Variants in CNTLN observed in about 807,000 individuals in gnomAD.
CNTLN encodes centlein, centrosomal protein.
In CNTLN, 212 loss-of-function variants were observed where a neutral mutation model predicts 180.0. That is an observed-to-expected ratio of 1.18 (90% confidence interval 1.05 to 1.32). The LOEUF (loss-of-function observed/expected upper bound fraction) is 1.32, where lower values mean the gene tolerates loss of function less well. Among genes scored for constraint, CNTLN ranks in the 40% most tolerant of loss-of-function variants. CNTLN has a pLI of 0.00. For synonymous variants in CNTLN, 722 were observed against 563.1 expected (o/e 1.28, Z -3.99); for missense variants, 2,095 against 1,610.9 (o/e 1.30, Z -5.14).
At chr9:17,174,669 C>T (rs934932300) in intron 2 of CNTLN, among the ~76,000 whole-genome samples, 24 of 150,364 alleles carry the variant, frequency 1.6e-4, no homozygotes, top group Admixed American at 9.9e-4. Flanking sequence ...GCACTCCAGC[C>T]TGGGCAACAG....
At chr9:17,292,456 G>T (rs576969031) in intron 6 of CNTLN, among the ~76,000 whole-genome samples, 1 of 151,980 alleles carries the variant, frequency 6.6e-6, no homozygotes, top group African/African-American at 2.4e-5. Context: ...TCATAGGTTC[G>T]GTCTTTTTAC....
intron 6 of CNTLN, among the ~76,000 whole-genome samples, chr9:17,292,456 G>A (rs576969031): frequency 4.9e-4 from 75 of 152,098 alleles, no homozygotes; most frequent in African/African-American, 1.5e-3. Context: ...TCATAGGTTC[G>A]GTCTTTTTAC....
Position 17,235,653 on chromosome 9 carries a change from C to A in CNTLN, c.535-5C>A. 3 of 1,550,434 alleles carry A rather than the reference C, an allele frequency of 1.9e-6. No homozygotes were observed. Among genetic ancestry groups the A allele is most frequent in the South Asian group, 2.5e-5 (2 of 79,628 alleles). Reference sequence around the variant, plus strand: ...CTCACCAGTAATTTAAATTTTTTTCCACAGAGAGAGTCAGTACTGAAACAG... The same window carrying A: ...CTCACCAGTAATTTAAATTTTTTTCAACAGAGAGAGTCAGTACTGAAACAG... On this transcript the variant is annotated splice_polypyrimidine_tract_variant and splice_region_variant and intron_variant, in intron 3 of 25. Transcript: ENST00000380647.
At chr9:17,266,743 T>G (rs186658891) in intron 5 of CNTLN, among the ~76,000 whole-genome samples, 121 of 152,276 alleles carry the variant, frequency 7.9e-4, no homozygotes, top group African/African-American at 2.7e-3. Flanking sequence ...GCATATATAT[T>G]TAGGATAGTG....
At chr9:17,147,636 C>T (rs1471934225) in intron 2 of CNTLN, among the ~76,000 whole-genome samples, 1 of 152,090 alleles carries the variant, frequency 6.6e-6, no homozygotes, top group African/African-American at 2.4e-5. Flanking sequence ...TGTTGTTTCC[C>T]ATGCTGATAA....
intron 18 of CNTLN, among the ~76,000 whole-genome samples, chr9:17,442,545 C>A (rs1392704940): frequency 6.6e-6 from 1 of 152,060 alleles, no homozygotes; most frequent in East Asian, 1.9e-4. Context: ...ATTACAGGCG[C>A]GAGCCACCAT....
At chr9:17,184,443 C>T (rs957803535) in intron 2 of CNTLN, among the ~76,000 whole-genome samples, 38 of 151,966 alleles carry the variant, frequency 2.5e-4, no homozygotes, top group African/African-American at 9.0e-4. Context: ...CAAAATCATA[C>T]GTTATGCATA....
chr9:17,321,390 C>T (rs1040180578), intron 8 of CNTLN, among the ~76,000 whole-genome samples: 1 of 152,142 alleles, frequency 6.6e-6, no homozygotes, highest in Non-Finnish European at 1.5e-5. Flanking sequence ...ACTCTGAGCT[C>T]CTTGAGGGCA....
At chr9:17,247,929 C>G (rs757313733) in intron 5 of CNTLN, among the ~76,000 whole-genome samples, 36 of 151,280 alleles carry the variant, frequency 2.4e-4, no homozygotes, top group Admixed American at 8.6e-4. Context: ...TTCCTAGGCT[C>G]AAACAATCCT....
chr9:17,185,714 A>G (rs1821388671), intron 2 of CNTLN, among the ~76,000 whole-genome samples: 1 of 151,238 alleles, frequency 6.6e-6, no homozygotes, highest in African/African-American at 2.4e-5. Context: ...TGCCTTGCAC[A>G]TTTCACTCTG....
At chr9:17,488,861 C>T (rs1185851673) in intron 25 of CNTLN, among the ~76,000 whole-genome samples, 3 of 152,070 alleles carry the variant, frequency 2.0e-5, no homozygotes, top group South Asian at 2.1e-4. Flanking sequence ...TTTAATGGAG[C>T]AGCCTTTATG....
intron 23 of CNTLN, among the ~76,000 whole-genome samples, chr9:17,477,719 A>C (rs1832426390): frequency 6.6e-6 from 1 of 152,268 alleles, no homozygotes; most frequent in Admixed American, 6.5e-5. Flanking sequence ...GTTGCCTCTT[A>C]GGGACGAGTA....
intron 18 of CNTLN, among the ~76,000 whole-genome samples, chr9:17,425,351 C>G (rs13298547): frequency 0.04 from 6,117 of 152,196 alleles, 206 homozygotes; most frequent in South Asian, 0.18. Flanking sequence ...CGATTCTACT[C>G]TCTCTTCCAT....
chr9:17,242,642 T>C (rs930780452), intron 5 of CNTLN, among the ~76,000 whole-genome samples: 4 of 152,350 alleles, frequency 2.6e-5, no homozygotes, highest in Non-Finnish European at 4.4e-5. Context: ...TGATATGATG[T>C]ATCTCATGAT....
At chr9:17,429,684 A>G (rs1283958384) in intron 18 of CNTLN, among the ~76,000 whole-genome samples, 1 of 152,118 alleles carries the variant, frequency 6.6e-6, no homozygotes, top group African/African-American at 2.4e-5. Flanking sequence ...TGACTTATCC[A>G]TGGGTCATGG....
chr9:17,524,604 C>G, the CNTLN span, among the ~76,000 whole-genome samples: 1 of 152,222 alleles, frequency 6.6e-6, no homozygotes, highest in Non-Finnish European at 1.5e-5. Flanking sequence ...GACACATAAA[C>G]TTAACAATTA....
intron 18 of CNTLN, among the ~76,000 whole-genome samples, chr9:17,439,421 G>A (rs977637914): frequency 6.6e-6 from 1 of 152,074 alleles, no homozygotes; most frequent in African/African-American, 2.4e-5. Context: ...AAAAATATCT[G>A]ATGCGAATTT....
At chr9:17,291,524 A>C (rs983090088) in intron 6 of CNTLN, among the ~76,000 whole-genome samples, 1 of 152,190 alleles carries the variant, frequency 6.6e-6, no homozygotes, top group Admixed American at 6.5e-5. Context: ...GATAGTTAGC[A>C]GTTCACATTG....
rs189450145 is a variant in CNTLN, at chr9:17,309,285, G to C, written c.1341+33G>C. 8,847 of 1,443,836 alleles carry C rather than the reference G, an allele frequency of 6.1e-3. 35 individuals carry two copies. The highest frequency in any genetic ancestry group is 6.9e-3 in the Non-Finnish European group (7,465 of 1,081,422). The allele number at this position is 1,443,836 out of a possible 1,614,324, so 89.4% of individuals were successfully genotyped here. On this transcript the variant is annotated intron_variant, in intron 8 of 25. Transcript: ENST00000380647. ...ACATTTTCTAAAACTGTTATTCAGTGTAATATTAAATGAAATCATCTCCTA... is the reference window on the plus strand; with the variant it reads ...ACATTTTCTAAAACTGTTATTCAGTCTAATATTAAATGAAATCATCTCCTA...
Sources: allele counts gnomAD v4.1 joint callset (sites outside exome capture counted in the v4.1 genomes callset), GRCh38; gene constraint gnomAD v4.1.1; transcripts MANE v1.5; gene names NCBI Gene and HGNC (gene_info 2026-07-23, HGNC 2026-07-21).